The following EYA3 variants were observed in gnomAD, a reference collection of about 807,000 sequenced individuals.
The protein encoded by EYA3 is EYA transcriptional coactivator and phosphatase 3.
Under a neutral mutation model 80.0 loss-of-function variants are expected in EYA3, and 39 were observed. The observed-to-expected ratio is 0.49, with a 90% CI of 0.38 to 0.64. EYA3 has a LOEUF of 0.64. Ranked by LOEUF, EYA3 falls within the 30% of genes least tolerant of loss-of-function variation. The pLI, the probability that EYA3 is intolerant of heterozygous loss-of-function variation, is 0.00. For synonymous variants in EYA3, 206 were observed against 232.8 expected (o/e 0.88, Z 1.05); for missense variants, 523 against 676.1 (o/e 0.77, Z 2.51).
intron 10 of EYA3, among the ~76,000 whole-genome samples, chr1:28,008,943 A>G (rs1477280375): frequency 6.6e-6 from 1 of 152,174 alleles, no homozygotes; most frequent in Non-Finnish European, 1.5e-5. Context: ...ACAATAAGAT[A>G]CCACTTCACA....
intron 1 of EYA3, among the ~76,000 whole-genome samples, chr1:28,085,266 C>T (rs1316121770): frequency 1.3e-5 from 2 of 152,060 alleles, no homozygotes; most frequent in African/African-American, 4.8e-5. Flanking sequence ...GCCTGGGCAA[C>T]ATGGTGAAAC....
At chr1:28,003,852 A>C (rs1641075106) in intron 11 of EYA3, among the ~76,000 whole-genome samples, 1 of 151,372 alleles carries the variant, frequency 6.6e-6, no homozygotes, top group African/African-American at 2.4e-5. Flanking sequence ...AAGATATAAC[A>C]AGTTTTGCTT....
At chr1:28,052,378 T>C (rs2148887066) in intron 2 of EYA3, among the ~76,000 whole-genome samples, 1 of 152,276 alleles carries the variant, frequency 6.6e-6, no homozygotes. Context: ...AGGATGGATA[T>C]ATGGATCACT....
chr1:28,040,445 G>C (rs1240983787), intron 4 of EYA3, among the ~76,000 whole-genome samples: 1 of 152,110 alleles, frequency 6.6e-6, no homozygotes, highest in Non-Finnish European at 1.5e-5. Flanking sequence ...TGAAATCAGG[G>C]GAGAAGTCAG....
chr1:27,974,671 T>G, intron 17 of EYA3, 125 bp from the exon 18 acceptor site: 3 of 658,974 alleles, frequency 4.6e-6, no homozygotes, highest in Non-Finnish European at 8.0e-6. Flanking sequence ...TATCCCTGCC[T>G]CATAGGGCTG....
At chr1:28,071,166 T>G (rs1645009171) in intron 1 of EYA3, among the ~76,000 whole-genome samples, 1 of 152,116 alleles carries the variant, frequency 6.6e-6, no homozygotes, top group African/African-American at 2.4e-5. Flanking sequence ...TCAAGTGATC[T>G]GCTTGCCTCA....
chr1:27,988,598 C>A lies in EYA3; in HGVS notation c.1477G>T (p.Val493Phe), dbSNP rs751890840. The change falls in exon 16 of 18, where the codon GTT (valine) becomes TTT (phenylalanine). Residue 493 changes from valine to phenylalanine, a missense_variant. Val to Phe is a conservative substitution (Grantham distance 50, BLOSUM62 -1). Coordinates refer to ENST00000373871, the MANE Select transcript of EYA3 (RefSeq NM_001990.4). ...ATTTCTCCTAGTCCATATAGGAGAA[C>A]CTTGGCCAGGGCTGGAACCAGCTGG... ...TTQLVPALAK[V>F]LLYGLGEIFP... 6.2e-7 allele frequency: 1 copy of A among 1,614,012 alleles called. No homozygotes were observed.
At chr1:27,989,932 T>TTA (rs370226947) in intron 14 of EYA3, 121 bp from the exon 15 acceptor site, 5,706 of 471,020 alleles carry the variant, frequency 0.012, 28 homozygotes, top group Middle Eastern at 0.017. Context: ...CTGAGTATGT[T>TTA]TATATATATA....
Position 27,978,993 on chromosome 1 carries a change from T to C in EYA3, c.1541-519A>G, listed in dbSNP as rs891039968. Among the ~76,000 whole-genome samples the C allele has an allele frequency of 5.9e-5, 9 of 152,094 alleles. No individual in the cohort carries two copies. The East Asian group carries it at 1.7e-3, about 29-fold the overall frequency. ...AACAAACAAACAACCCAAAAACTTA[T>C]TTTAACCTTCACGTTGAGGGTGAAG... is the stretch of plus-strand genomic sequence containing the variant. On this transcript the variant is annotated intron_variant, in intron 16 of 17. Transcript: ENST00000373871.
At position 28,009,532 on chromosome 1, in the gene EYA3, C is replaced by T. The variant is rs1313909888; in HGVS notation, c.909+1415G>A. On this transcript the variant is annotated intron_variant, in intron 10 of 17. Transcript: ENST00000373871. The surrounding 1 kb of genome is among the most constrained non-coding windows in gnomAD (Gnocchi z 4.8). ...AGGCATGGTGGTGTGCACCTATAAT[C>T]CCAGCTACTCTGGAGGCTGAGGCAG... Among the ~76,000 whole-genome samples the T allele has an allele frequency of 5.9e-5, 9 of 152,074 alleles. No homozygotes were observed. The highest frequency in any genetic ancestry group is 1.9e-4 in the African/African-American group (8 of 41,400).
intron 11 of EYA3, 45 bp downstream of exon 11, chr1:28,004,291 T>C: frequency 7.3e-7 from 1 of 1,365,436 alleles, no homozygotes; most frequent in Non-Finnish European, 1.0e-6. Context: ...GGACTGACTA[T>C]ATAGTCAGAA....
intron 1 of EYA3, among the ~76,000 whole-genome samples, chr1:28,058,726 TTC>T (rs1396830501): frequency 6.6e-6 from 1 of 152,200 alleles, no homozygotes; most frequent in Non-Finnish European, 1.5e-5. Context: ...AATAATGAAC[TTC>T]TACTAACTGT....
chr1:28,035,750 T>A, intron 5 of EYA3, 70 bp from the exon 6 acceptor site: 1 of 1,409,920 alleles, frequency 7.1e-7, no homozygotes, highest in Non-Finnish European at 9.9e-7. Context: ...GTAAAATAGC[T>A]ACCACCACTA....
chr1:27,978,977 A>C (rs1406912270), intron 16 of EYA3, among the ~76,000 whole-genome samples: 1 of 152,164 alleles, frequency 6.6e-6, no homozygotes, highest in Non-Finnish European at 1.5e-5. Context: ...AAACAAACAA[A>C]CAACCCAAAA....
intron 3 of EYA3, among the ~76,000 whole-genome samples, chr1:28,043,342 A>AC (rs952532583): frequency 7.0e-6 from 1 of 143,308 alleles, no homozygotes; most frequent in African/African-American, 2.5e-5. Context: ...AAAAAAAAAA[A>AC]AAAACGTGAA....
intron 16 of EYA3, among the ~76,000 whole-genome samples, chr1:27,986,280 G>C (rs553070687): frequency 6.6e-6 from 1 of 151,738 alleles, no homozygotes; most frequent in Non-Finnish European, 1.5e-5. Context: ...CAAGAGAATC[G>C]CTTGAACCTG....
chr1:28,077,447 A>T (rs1253674863), intron 1 of EYA3, among the ~76,000 whole-genome samples: 1 of 152,204 alleles, frequency 6.6e-6, no homozygotes, highest in African/African-American at 2.4e-5. Context: ...TCCAAAGGAA[A>T]AATTTCAAAA....
intron 11 of EYA3, among the ~76,000 whole-genome samples, chr1:28,003,041 G>A (rs1380667484): frequency 6.6e-6 from 1 of 150,746 alleles, no homozygotes; most frequent in Non-Finnish European, 1.5e-5. Flanking sequence ...CGGATCACGA[G>A]GTCAGGAGAT....
intron 1 of EYA3, among the ~76,000 whole-genome samples, chr1:28,076,429 G>A (rs1265966909): frequency 3.3e-5 from 5 of 151,694 alleles, no homozygotes; most frequent in South Asian, 2.1e-4. Context: ...ATAGAATCTC[G>A]GCCAGGCGTG....
Sources: gnomAD v4.1 joint callset for allele counts (sites outside exome capture counted in the v4.1 genomes callset) on GRCh38, gnomAD v4.1.1 for gene constraint, Gnocchi (gnomAD v3.1) non-coding constraint, MANE v1.5 for transcripts, NCBI Gene and HGNC (gene_info 2026-07-23, HGNC 2026-07-21) for gene names.